HECW1: variants seen among roughly 807,000 people sequenced by gnomAD.
The protein encoded by HECW1 is E3 ubiquitin-protein ligase HECW1.
A neutral mutation model predicts 182.3 loss-of-function variants in HECW1; 61 were observed. The observed-to-expected ratio is 0.33, with a 90% CI of 0.27 to 0.41. HECW1 has a LOEUF of 0.41. HECW1 is among the 10% of genes least tolerant of loss of function. HECW1 has a pLI of 1.00. For missense variants in HECW1, 1,739 were observed against 2,108.9 expected, an observed-to-expected ratio of 0.82 and a Z score of 3.44; for synonymous variants, 859 against 832.6, an observed-to-expected ratio of 1.03 and a Z score of -0.55.
chr7:43,225,917 C>T (rs1479606615), intron 2 of HECW1, among the ~76,000 whole-genome samples: 1 of 152,084 alleles, frequency 6.6e-6, no homozygotes, highest in Non-Finnish European at 1.5e-5. Context: ...ACCACAGGCA[C>T]ATGCCACCAA....
Position 43,500,000 on chromosome 7 carries a change from C to T in HECW1, c.3438-699C>T, listed in dbSNP as rs1338305382. Reference sequence around the variant, plus strand: ...CGGGCCCCCTCTGTGCCCAATGTGGCATCATAAATTTTCCATCAGGCACAA... The same window carrying T: ...CGGGCCCCCTCTGTGCCCAATGTGGTATCATAAATTTTCCATCAGGCACAA... On this transcript the variant is annotated intron_variant, in intron 19 of 29. Coordinates refer to ENST00000395891, the MANE Select transcript of HECW1 (RefSeq NM_015052.5). Among the ~76,000 whole-genome samples, 6 of 152,216 alleles carry T rather than the reference C, an allele frequency of 3.9e-5. No individual in the cohort carries two copies. The South Asian group carries it at 1.0e-3, about 26-fold the overall frequency.
At chr7:43,292,343 G>A (rs1411786147) in intron 3 of HECW1, among the ~76,000 whole-genome samples, 1 of 152,188 alleles carries the variant, frequency 6.6e-6, no homozygotes, top group East Asian at 1.9e-4. Flanking sequence ...TTTACGGCCA[G>A]CACTTGTGCA....
intron 20 of HECW1, 88 bp downstream of exon 20, chr7:43,500,870 A>G: frequency 9.3e-7 from 1 of 1,074,152 alleles, no homozygotes; most frequent in Non-Finnish European, 1.5e-6. Context: ...GCCTAGACTG[A>G]AAAACTCACC....
At chr7:43,492,236 G>A (rs769395662) in intron 18 of HECW1, 56 bp downstream of exon 18, 4 of 1,251,582 alleles carry the variant, frequency 3.2e-6, no homozygotes, top group Middle Eastern at 1.9e-4. Flanking sequence ...ACCTAGACTT[G>A]ATTTTTTGTT....
At chr7:43,138,987 G>A (rs983911721) in intron 2 of HECW1, among the ~76,000 whole-genome samples, 27 of 150,952 alleles carry the variant, frequency 1.8e-4, no homozygotes, top group African/African-American at 6.2e-4. Flanking sequence ...TGGTTTTTTT[G>A]TTTGTTTGTT....
chr7:43,415,365 C>A (rs1428675052), intron 8 of HECW1, among the ~76,000 whole-genome samples: 1 of 143,266 alleles, frequency 7.0e-6, no homozygotes, highest in Non-Finnish European at 1.5e-5. Flanking sequence ...CCCCCACTCT[C>A]TTCTGGCTTG....
At chr7:43,547,823 G>A (rs2081624003) in intron 26 of HECW1, among the ~76,000 whole-genome samples, 1 of 152,130 alleles carries the variant, frequency 6.6e-6, no homozygotes, top group Non-Finnish European at 1.5e-5. Context: ...ATCATTAGTG[G>A]CCCTTCGTGT....
intron 2 of HECW1, among the ~76,000 whole-genome samples, chr7:43,130,259 T>G (rs2152619223): frequency 6.6e-6 from 1 of 152,322 alleles, no homozygotes; most frequent in African/African-American, 2.4e-5. Context: ...CTAGAGTGTT[T>G]CAAATTTTGA....
intron 24 of HECW1, among the ~76,000 whole-genome samples, chr7:43,519,953 T>C (rs1298906651): frequency 6.6e-6 from 1 of 152,174 alleles, no homozygotes; most frequent in Non-Finnish European, 1.5e-5. Context: ...TCACAGGAGA[T>C]GAGCCGAGGT....
At chr7:43,451,903 A>C (rs192575190) in intron 12 of HECW1, among the ~76,000 whole-genome samples, 52 of 152,306 alleles carry the variant, frequency 3.4e-4, no homozygotes, top group African/African-American at 1.2e-3. Flanking sequence ...TGCTTACATG[A>C]AGCAGTTACA....
At chr7:43,539,289 T>A (rs2081283305) in intron 24 of HECW1, among the ~76,000 whole-genome samples, 2 of 152,186 alleles carry the variant, frequency 1.3e-5, no homozygotes, top group South Asian at 4.1e-4. Flanking sequence ...ATTAAGAAGT[T>A]TTCCACCCTT....
At chr7:43,445,756 C>G (rs2077036191) in intron 11 of HECW1, among the ~76,000 whole-genome samples, 186 bp downstream of exon 11, 1 of 152,184 alleles carries the variant, frequency 6.6e-6, no homozygotes, top group Non-Finnish European at 1.5e-5. Context: ...CTGTGAGTAG[C>G]TGACACCCCA....
chr7:43,550,439 T>G lies in HECW1; in HGVS notation c.4249-6T>G, dbSNP rs1282714887. ...AAGCATCGCAATATTTCTGTTTTCC[T>G]ACAAGGTCACGGAAAGGGAGTTGAA... On this transcript the variant is annotated splice_polypyrimidine_tract_variant and splice_region_variant and intron_variant, in intron 26 of 29. Transcript: ENST00000395891. 1.9e-6 allele frequency: 3 copies of G among 1,613,850 alleles called. No homozygotes were observed. The African/African-American group carries it at 4.0e-5, about 22-fold the overall frequency.
intron 28 of HECW1, among the ~76,000 whole-genome samples, chr7:43,554,358 C>T (rs1248029114): frequency 1.3e-5 from 2 of 152,248 alleles, no homozygotes; most frequent in African/African-American, 2.4e-5. Flanking sequence ...GAGAACATCA[C>T]AGAACATAAA....
chr7:43,442,495 G>C (rs2076919780), intron 9 of HECW1, 34 bp from the exon 10 acceptor site: 1 of 1,468,984 alleles, frequency 6.8e-7, no homozygotes, highest in Non-Finnish European at 9.5e-7. Flanking sequence ...GAGAGGTATT[G>C]ACCAGAACTG....
At chr7:43,462,732 C>A (rs2077631234) in intron 13 of HECW1, among the ~76,000 whole-genome samples, 1 of 152,224 alleles carries the variant, frequency 6.6e-6, no homozygotes, top group African/African-American at 2.4e-5. Context: ...GGTGCCCACA[C>A]ATCCTGATGC....
At chr7:43,172,491 C>T (rs940781196) in intron 2 of HECW1, among the ~76,000 whole-genome samples, 3 of 151,484 alleles carry the variant, frequency 2.0e-5, no homozygotes, top group African/African-American at 4.9e-5. Context: ...TCCATGTATA[C>T]ATCTAGGCAG....
intron 4 of HECW1, among the ~76,000 whole-genome samples, chr7:43,315,617 T>C (rs1476939745): frequency 6.6e-6 from 1 of 151,956 alleles, no homozygotes; most frequent in African/African-American, 2.4e-5. Context: ...ATTCAGCCTC[T>C]CAAGTAGCTG....
At chr7:43,498,698 T>C (rs1019971) in intron 19 of HECW1, among the ~76,000 whole-genome samples, 24,185 of 152,150 alleles carry the variant, frequency 0.16, 2,457 homozygotes, top group South Asian at 0.22. Context: ...GAAGCCACTG[T>C]GAACACCCCC....
Sources: allele counts gnomAD v4.1 joint callset (sites outside exome capture counted in the v4.1 genomes callset), GRCh38; gene constraint gnomAD v4.1.1; transcripts MANE v1.5; gene names NCBI Gene and HGNC (gene_info 2026-07-23, HGNC 2026-07-21).